Variants in CEP128 observed in about 807,000 individuals in gnomAD.
CEP128 encodes the protein centrosomal protein 128.
In CEP128, 132 loss-of-function variants were observed where a neutral mutation model predicts 156.7. That is an observed-to-expected ratio of 0.84 (90% CI 0.73 to 0.97). The LOEUF is 0.97. CEP128 is among the 50% of genes least tolerant of loss of function. CEP128 has a pLI of 0.00. For synonymous variants in CEP128, 469 were observed against 448.9 expected (o/e 1.04, Z -0.57); for missense variants, 1,252 against 1,281.9 (o/e 0.98, Z 0.36).
At chr14:80,804,004 A>G (rs1884027900) in intron 13 of CEP128, among the ~76,000 whole-genome samples, 1 of 152,134 alleles carries the variant, frequency 6.6e-6, no homozygotes, top group African/African-American at 2.4e-5. Context: ...ACATTTTTAT[A>G]TATTTACATA....
intron 13 of CEP128, among the ~76,000 whole-genome samples, chr14:80,814,857 G>A (rs1033057009): frequency 6.6e-6 from 1 of 152,202 alleles, no homozygotes; most frequent in Non-Finnish European, 1.5e-5. Context: ...AGGAGTTCGA[G>A]ACCAACCTGA....
At chr14:80,946,108 G>A (rs1034463186), upstream of CEP128, among the ~76,000 whole-genome samples, 1 of 152,184 alleles carries the variant, frequency 6.6e-6, no homozygotes, top group African/African-American at 2.4e-5. Context: ...TTCATGTGTA[G>A]AGGTGTTTGG....
chr14:80,573,060 T>G (rs1891212374), intron 20 of CEP128, among the ~76,000 whole-genome samples: 1 of 151,576 alleles, frequency 6.6e-6, no homozygotes, highest in African/African-American at 2.4e-5. Flanking sequence ...GTAGCTGGGA[T>G]TACAGGTGTG....
intron 14 of CEP128, among the ~76,000 whole-genome samples, chr14:80,479,133 C>T (rs374517226): frequency 6.6e-5 from 10 of 152,206 alleles, no homozygotes; most frequent in African/African-American, 2.4e-4. Context: ...AAAAATGAAG[C>T]TCAGAAATGT....
At chr14:80,861,186 G>A (rs1409718766) in intron 9 of CEP128, among the ~76,000 whole-genome samples, 2 of 151,866 alleles carry the variant, frequency 1.3e-5, no homozygotes, top group African/African-American at 4.8e-5. Flanking sequence ...AGTAGTAATT[G>A]TTTCATATGA....
At chr14:80,665,870 G>A (rs551509599) in intron 19 of CEP128, among the ~76,000 whole-genome samples, 22 of 152,026 alleles carry the variant, frequency 1.4e-4, no homozygotes, top group Non-Finnish European at 2.9e-4. Context: ...ACCAGCACTA[G>A]AAACCAGAAA....
rs186625361 is a variant in CEP128 at position 80,767,750 on chromosome 14, G to T, written c.2377-6137C>A. On this transcript the variant is annotated intron_variant, in intron 16 of 24. Coordinates refer to ENST00000555265, the MANE Select transcript of CEP128 (RefSeq NM_152446.5). ...AATAGTGCATTAAGAGCATGTGAGA[G>T]CCTTAGTAAAACAATAGAGCTAATA... Among the ~76,000 whole-genome samples, 173 of 152,254 alleles carry T rather than the reference G, an allele frequency of 1.1e-3. 1 individual carries two copies. The highest frequency in any genetic ancestry group is 3.9e-3 in the African/African-American group (164 of 41,560).
intron 19 of CEP128, among the ~76,000 whole-genome samples, chr14:80,682,374 A>T (rs1896358072): frequency 1.3e-5 from 2 of 152,236 alleles, no homozygotes. Flanking sequence ...GTTTTAAACT[A>T]ACCCAGTCAG....
chr14:80,480,626 T>C (rs993388863), intron 14 of CEP128, among the ~76,000 whole-genome samples: 1 of 152,242 alleles, frequency 6.6e-6, no homozygotes, highest in African/African-American at 2.4e-5. Flanking sequence ...CCCCAGAAAA[T>C]AGGTTTTTCT....
At position 80,760,149 on chromosome 14, in the gene CEP128, G is replaced by GAA. The variant is rs570982177; in HGVS notation, c.2553+1286_2553+1287dup. On this transcript the variant is annotated intron_variant, in intron 17 of 24. Transcript: ENST00000555265. ...TCTTAAATTTAAAAAGCAGCATTAG[G>GAA]AAAAAAAAAAAGTTAGAATTATCAT... 5.5e-5 allele frequency among the ~76,000 whole-genome samples: 8 copies of GAA among 144,524 alleles called. No individual in the cohort carries two copies. In the South Asian group the frequency reaches 8.7e-4, roughly 16 times the overall value. The allele number at this position is 144,524 out of a possible 152,430, so 94.8% of individuals were successfully genotyped here. A position where few individuals can be genotyped will look rare whatever the true frequency, so the allele number is the denominator to read the frequency against.
At chr14:80,775,888 A>C (rs906304086) in intron 16 of CEP128, among the ~76,000 whole-genome samples, 6 of 152,166 alleles carry the variant, frequency 3.9e-5, no homozygotes, top group African/African-American at 1.4e-4. Flanking sequence ...GCTGGAGTGC[A>C]GTGGCACGAT....
intron 19 of CEP128, among the ~76,000 whole-genome samples, chr14:80,702,252 TA>T (rs1417694505): frequency 6.6e-6 from 1 of 152,188 alleles, no homozygotes; most frequent in Non-Finnish European, 1.5e-5. Context: ...TAGTAGGCAC[TA>T]AACAAATATT....
At chr14:80,935,071 T>C (rs111405328) in intron 2 of CEP128, among the ~76,000 whole-genome samples, 1 of 152,192 alleles carries the variant, frequency 6.6e-6, no homozygotes, top group African/African-American at 2.4e-5. Flanking sequence ...GTAACTTAAG[T>C]GGCAGAGCCA....
chr14:80,953,246 T>A (rs1275277484), intron 2 of CEP128, among the ~76,000 whole-genome samples: 1 of 152,202 alleles, frequency 6.6e-6, no homozygotes, highest in African/African-American at 2.4e-5. Context: ...TATGTAAAAC[T>A]TTTAAACAGA....
chr14:80,724,175 G>A (rs1239747508), intron 19 of CEP128, among the ~76,000 whole-genome samples: 1 of 152,144 alleles, frequency 6.6e-6, no homozygotes, highest in African/African-American at 2.4e-5. Flanking sequence ...CACAATTAAA[G>A]AGGGTTGCTA....
intron 5 of CEP128, among the ~76,000 whole-genome samples, 164 bp from the exon 6 acceptor site, chr14:80,905,095 A>G (rs1883808477): frequency 6.6e-6 from 1 of 152,136 alleles, no homozygotes; most frequent in South Asian, 2.1e-4. Context: ...GTTCCACCAA[A>G]TTAGCATTAA....
chr14:80,540,204 C>G (rs939833636), intron 21 of CEP128, among the ~76,000 whole-genome samples: 2 of 150,190 alleles, frequency 1.3e-5, no homozygotes, highest in Non-Finnish European at 3.0e-5. Context: ...TACACCCCCC[C>G]CCCTTTTGAA....
chr14:80,899,813 A>C (rs1883425409), intron 7 of CEP128, 125 bp downstream of exon 7: 1 of 605,270 alleles, frequency 1.7e-6, no homozygotes. Context: ...TTCTGTTAAT[A>C]AATTTTAAGG....
chr14:80,499,882 C>T (rs1419549551), intron 24 of CEP128, among the ~76,000 whole-genome samples: 2 of 152,112 alleles, frequency 1.3e-5, no homozygotes, highest in Non-Finnish European at 2.9e-5. Flanking sequence ...CTTACTAAGC[C>T]CCCACTGTCT....
Sources: allele counts gnomAD v4.1 joint callset (sites outside exome capture counted in the v4.1 genomes callset), GRCh38; gene constraint gnomAD v4.1.1; transcripts MANE v1.5; gene names NCBI Gene and HGNC (gene_info 2026-07-23, HGNC 2026-07-21).